COL9A1: variants seen among roughly 807,000 people sequenced by gnomAD.
COL9A1 encodes collagen type IX alpha 1 chain.
COL9A1 carries 104 observed loss-of-function variants against 142.6 expected under a neutral mutation model. That is an observed-to-expected ratio of 0.73 (90% CI 0.62 to 0.86). The LOEUF (loss-of-function observed/expected upper bound fraction) is 0.86, where lower values mean the gene tolerates loss of function less well. Ranked by LOEUF, COL9A1 falls within the 40% of genes least tolerant of loss-of-function variation. The probability of loss-of-function intolerance (pLI) is 0.00; values close to 1 mark genes in which losing one functional copy is unlikely to be tolerated. For missense variants in COL9A1, 1,210 were observed against 1,176.6 expected, an observed-to-expected ratio of 1.03 and a Z score of -0.42; for synonymous variants, 466 against 396.0, an observed-to-expected ratio of 1.18 and a Z score of -2.10.
chr6:70,218,068 G>A (rs761675420), intron 37 of COL9A1, among the ~76,000 whole-genome samples: 6 of 152,232 alleles, frequency 3.9e-5, no homozygotes, highest in Middle Eastern at 6.8e-3. Flanking sequence ...ACTTGCACCC[G>A]GGAGGCAGAG....
rs770039661 is a variant in COL9A1 at position 70,270,381 on chromosome 6, A to C, written c.1144-14T>G. The C allele has an allele frequency of 1.3e-5, 21 of 1,613,224 alleles. No homozygotes were observed. The highest frequency in any genetic ancestry group is 1.8e-5 in the Non-Finnish European group (21 of 1,179,440). ...CCCAGGGTCACCCTAAGTTATTTGA[A>C]AATTGCGACACAGTGGTTATACATG... On this transcript the variant is annotated splice_polypyrimidine_tract_variant and intron_variant, in intron 14 of 37. Coordinates refer to ENST00000357250, the MANE Select transcript of COL9A1 (RefSeq NM_001851.6).
chr6:70,236,710 G>T (rs1227918570), intron 33 of COL9A1, among the ~76,000 whole-genome samples: 2 of 152,080 alleles, frequency 1.3e-5, no homozygotes, highest in East Asian at 3.9e-4. Flanking sequence ...CTTCTATGAA[G>T]AAATTATGGT....
chr6:70,234,646 A>G, intron 34 of COL9A1, 53 bp from the exon 35 acceptor site: 1 of 1,611,214 alleles, frequency 6.2e-7, no homozygotes, highest in Admixed American at 1.7e-5. Context: ...TAAAGAGAAC[A>G]TTGTTAAGTT....
At chr6:70,279,201 T>C (rs1253883186) in intron 10 of COL9A1, among the ~76,000 whole-genome samples, 1 of 152,262 alleles carries the variant, frequency 6.6e-6, no homozygotes, top group East Asian at 1.9e-4. Flanking sequence ...GTTTGTTCAG[T>C]AGCCTTGAAT....
At chr6:70,230,602 T>A (rs1472844783) in intron 36 of COL9A1, among the ~76,000 whole-genome samples, 1 of 152,212 alleles carries the variant, frequency 6.6e-6, no homozygotes, top group Non-Finnish European at 1.5e-5. Context: ...TACTTTTGTT[T>A]CTTTCAAACT....
Position 70,255,340 on chromosome 6 carries a change from A to C in COL9A1, c.1554T>G (p.Asp518Glu). 6 of 1,614,196 alleles carry C rather than the reference A, an allele frequency of 3.7e-6. No homozygotes were observed. The highest frequency in any genetic ancestry group is 5.1e-6 in the Non-Finnish European group (6 of 1,179,988). Residue 518 changes from aspartate to glutamate, a missense_variant, in exon 22 of 38, where the codon GAT (aspartate) becomes GAG (glutamate). Transcript: ENST00000357250. ...GAGTGACTGAATTTAAACTCACTCTATCTCCTTTGGGACCTGCTTCTCCTG... is the reference window on the plus strand; with the variant it reads ...GAGTGACTGAATTTAAACTCACTCTCTCTCCTTTGGGACCTGCTTCTCCTG... The part of the protein sequence containing the change: ...GPPGEAGPKG[D>E]RGAEGARGIP...
intron 36 of COL9A1, among the ~76,000 whole-genome samples, chr6:70,231,458 T>C (rs2037225): frequency 0.23 from 34,699 of 152,112 alleles, 4,304 homozygotes; most frequent in Non-Finnish European, 0.28. Flanking sequence ...CCTCAGTCTG[T>C]ACTCTATTTG....
At chr6:70,252,826 G>A (rs1177616176) in intron 26 of COL9A1, among the ~76,000 whole-genome samples, 2 of 152,172 alleles carry the variant, frequency 1.3e-5, no homozygotes, top group Non-Finnish European at 2.9e-5. Context: ...TCAAGACGCT[G>A]CAGACCACTG....
At chr6:70,253,728 A>G (rs1246002146) in intron 25 of COL9A1, among the ~76,000 whole-genome samples, 1 of 152,188 alleles carries the variant, frequency 6.6e-6, no homozygotes, top group Non-Finnish European at 1.5e-5. Context: ...ATCCAGTACC[A>G]CTTTCAGGTC....
chr6:70,219,206 A>T (rs1026889394), intron 37 of COL9A1, among the ~76,000 whole-genome samples: 16 of 152,178 alleles, frequency 1.1e-4, no homozygotes, highest in South Asian at 4.2e-4. Flanking sequence ...ATCACTAGGA[A>T]TGTTCCCACT....
intron 18 of COL9A1, among the ~76,000 whole-genome samples, chr6:70,265,807 T>A (rs1278536766): frequency 6.6e-6 from 1 of 152,096 alleles, no homozygotes; most frequent in Non-Finnish European, 1.5e-5. Flanking sequence ...TTATCCTGAT[T>A]GCTTGAGGCT....
intron 21 of COL9A1, 37 bp downstream of exon 21, chr6:70,256,731 A>AG (rs397792195): frequency 6.2e-7 from 1 of 1,603,598 alleles, no homozygotes; most frequent in Non-Finnish European, 8.5e-7. Context: ...AAAAAAAAAA[A>AG]TCTATCATTG....
chr6:70,249,869 C>T (rs184970032), intron 28 of COL9A1, among the ~76,000 whole-genome samples: 8 of 152,258 alleles, frequency 5.3e-5, no homozygotes, highest in African/African-American at 1.4e-4. Context: ...AGCAGCTCTC[C>T]CTACTCCATG....
rs374638708 is a variant in COL9A1, at chr6:70,290,458, G to A, written c.696+3709C>T. On this transcript the variant is annotated intron_variant, in intron 5 of 37. Transcript: ENST00000357250. ...TGGGAAAAAATATAAAATGCTCTGA[G>A]CCCACTAAGTAACCATGAATGATGA... Among the ~76,000 whole-genome samples the A allele has an allele frequency of 1.6e-3, 247 of 152,176 alleles. 1 individual carries two copies. Among genetic ancestry groups the A allele is most frequent in the African/African-American group, 5.6e-3 (231 of 41,540 alleles).
chr6:70,255,526 G>T, intron 21 of COL9A1, 136 bp from the exon 22 acceptor site: 1 of 752,268 alleles, frequency 1.3e-6, no homozygotes, highest in Non-Finnish European at 2.3e-6. Context: ...AGGAAGCCTA[G>T]ATGAAGAAGT....
rs1386121681 is a variant in COL9A1, at chr6:70,300,140, C to T, written c.202G>A (p.Ala68Thr). ...DLISQFQVDK[A>T]ASRRAIQRVV... ...CTCTGGATAGCTCTTCTAGATGCTG[C>T]TTTATCTACCTGGAACTGAGAGATC... The change falls in exon 4 of 38, where the codon GCA (alanine) becomes ACA (threonine). Residue 68 changes from alanine to threonine, a missense_variant. Coordinates refer to ENST00000357250, the MANE Select transcript of COL9A1 (RefSeq NM_001851.6). 1.2e-6 allele frequency: 2 copies of T among 1,613,826 alleles called. No individual in the cohort carries two copies. Among genetic ancestry groups the T allele is most frequent in the South Asian group, 1.1e-5 (1 of 91,068 alleles).
Position 70,255,140 on chromosome 6 carries a change from CAGG to C in COL9A1, c.1611+7_1611+9del, listed in dbSNP as rs1292222554. 1 of 1,614,176 alleles carries C rather than the reference CAGG, an allele frequency of 6.2e-7. No homozygotes were observed. The highest frequency in any genetic ancestry group is 8.5e-7 in the Non-Finnish European group (1 of 1,180,014). On this transcript the variant is annotated splice_region_variant and intron_variant, in intron 23 of 37. Transcript: ENST00000357250. ...AAAAATGTGCTTGATGACTACAGCT[CAGG>C]ACATACCGTGTCTCCTTTGGGCCCA...
chr6:70,283,814 G>C lies in COL9A1; in HGVS notation c.703C>G (p.Leu235Val), dbSNP rs1773325912. ...TCACAATGGATCAGCATCCATTGAAGTTCAAACTGGAGAAAGGTAGTAGAC... is the reference window on the plus strand; with the variant it reads ...TCACAATGGATCAGCATCCATTGAACTTCAAACTGGAGAAAGGTAGTAGAC... ...DNPQVSVPFELQWMLIHCDPL... is the reference protein window; with the variant it reads ...DNPQVSVPFEVQWMLIHCDPL... The change falls in exon 6 of 38, where the codon CTT becomes GTT. Residue 235 changes from leucine (L) to valine (V), a missense_variant. Coordinates refer to ENST00000357250, the MANE Select transcript of COL9A1 (RefSeq NM_001851.6). The C allele has an allele frequency of 7.5e-6, 12 of 1,605,056 alleles. No individual in the cohort carries two copies. The East Asian group carries it at 2.5e-4, about 33-fold the overall frequency.
At chr6:70,266,579 A>G in intron 18 of COL9A1, 138 bp downstream of exon 18, 1 of 772,922 alleles carries the variant, frequency 1.3e-6, no homozygotes. Flanking sequence ...GCATCTGCTT[A>G]GAACTTATCA....
Sources: gnomAD v4.1 joint callset for allele counts (sites outside exome capture counted in the v4.1 genomes callset) on GRCh38, gnomAD v4.1.1 for gene constraint, MANE v1.5 for transcripts, NCBI Gene and HGNC (gene_info 2026-07-23, HGNC 2026-07-21) for gene names.